FABP6: variants seen among roughly 807,000 people sequenced by gnomAD.
The protein encoded by FABP6 is fatty acid binding protein 6.
Under a neutral mutation model 14.9 loss-of-function variants are expected in FABP6, and 13 were observed. That is an observed-to-expected ratio of 0.87 (90% CI 0.57 to 1.39). The LOEUF (loss-of-function observed/expected upper bound fraction) is 1.39, where lower values mean the gene tolerates loss of function less well. Ranked by LOEUF, FABP6 falls within the 40% of genes most tolerant of loss-of-function variation. The pLI is 0.00. For missense variants in FABP6, 161 were observed against 167.2 expected, an observed-to-expected ratio of 0.96 and a Z score of 0.20; for synonymous variants, 75 against 63.6, an observed-to-expected ratio of 1.18 and a Z score of -0.85.
intron 1 of FABP6, chr5:160,198,407 CTT>C (rs902532230): frequency 4.6e-5 from 7 of 152,486 alleles, no homozygotes; most frequent in African/African-American, 1.7e-4. Flanking sequence ...GCCGCCACCT[CTT>C]TGTTTCTGGA....
At chr5:160,197,643 C>T (rs1469795528) in intron 1 of FABP6, 2 of 152,278 alleles carry the variant, frequency 1.3e-5, no homozygotes, top group African/African-American at 4.8e-5. Context: ...TCTCTGGTCT[C>T]TACCCACTCC....
intron 3 of FABP6, among the ~76,000 whole-genome samples, chr5:160,220,336 G>A (rs1252051775): frequency 1.3e-5 from 2 of 152,134 alleles, no homozygotes; most frequent in African/African-American, 4.8e-5. Flanking sequence ...ATGAGGCCAG[G>A]TGATGGCTCA....
At chr5:160,199,487 C>A (rs1043062632) in intron 2 of FABP6, among the ~76,000 whole-genome samples, 4 of 152,238 alleles carry the variant, frequency 2.6e-5, no homozygotes, top group Non-Finnish European at 5.9e-5. Flanking sequence ...CTGCGCCACC[C>A]CGGGCCGTGC....
chr5:160,203,532 C>A (rs559620464), intron 2 of FABP6, among the ~76,000 whole-genome samples: 2 of 151,626 alleles, frequency 1.3e-5, no homozygotes, highest in South Asian at 4.2e-4. Context: ...ATGCTCACCT[C>A]ATTTTTTTTT....
chr5:160,223,175 C>A lies in FABP6; in HGVS notation c.136-6371C>A, dbSNP rs573399949. Reference sequence around the variant, plus strand: ...GAACAAATCTGTCAGCACCATTTTTCACTTTGTCTCTGGGCCACATTTTGG... The same window carrying A: ...GAACAAATCTGTCAGCACCATTTTTAACTTTGTCTCTGGGCCACATTTTGG... On this transcript the variant is annotated intron_variant, in intron 3 of 6. Transcript: ENST00000393980. Among the ~76,000 whole-genome samples, 5 of 152,252 alleles carry A rather than the reference C, an allele frequency of 3.3e-5. No individual in the cohort carries two copies. In the East Asian group the frequency reaches 9.6e-4, roughly 29 times the overall value.
chr5:160,213,532 CTCTG>C (rs1759937593), intron 2 of FABP6, among the ~76,000 whole-genome samples: 1 of 152,206 alleles, frequency 6.6e-6, no homozygotes, highest in Non-Finnish European at 1.5e-5. Flanking sequence ...CCTGTCCTGT[CTCTG>C]TCTGTTTTCC....
chr5:160,214,510 C>G (rs1759973617), intron 3 of FABP6, among the ~76,000 whole-genome samples: 1 of 150,994 alleles, frequency 6.6e-6, no homozygotes, highest in Non-Finnish European at 1.5e-5. Context: ...GACGGGGTCT[C>G]CCTGTGTTGC....
chr5:160,226,533 C>CAA (rs71956446), upstream of FABP6, among the ~76,000 whole-genome samples: 8,873 of 136,750 alleles, frequency 0.065, 466 homozygotes, highest in East Asian at 0.34. Context: ...GAGACTGTCT[C>CAA]AAAAAAAAAA....
chr5:160,222,204 T>C (rs1317964198), intron 3 of FABP6, among the ~76,000 whole-genome samples: 1 of 151,912 alleles, frequency 6.6e-6, no homozygotes, highest in Non-Finnish European at 1.5e-5. Context: ...GTGATCCTCT[T>C]GCCTCTGCCT....
rs34714032 is a variant in FABP6, at chr5:160,197,921, C to CGTGTGT, written c.-58-1101_-58-1096dup. On this transcript the variant is annotated intron_variant, in intron 1 of 6. Coordinates refer to the FABP6 transcript ENST00000393980. ...AGGCTTCCTCCTGATAAGGCTGCTT[C>CGTGTGT]GTGTGTGTGTGTGTGTGTGTGTGTG... is the stretch of plus-strand genomic sequence containing the variant. The CGTGTGT allele has an allele frequency of 7.9e-3, 1,004 of 127,120 alleles. 18 individuals carry two copies. Among genetic ancestry groups the CGTGTGT allele is most frequent in the Middle Eastern group, 0.023 (6 of 264 alleles). The allele number at this position is 127,120 out of a possible 1,614,324, so 7.9% of individuals were successfully genotyped here.
chr5:160,190,501 G>A (rs1451751673), intron 1 of FABP6, among the ~76,000 whole-genome samples: 2 of 152,132 alleles, frequency 1.3e-5, no homozygotes, highest in Admixed American at 1.3e-4. Context: ...CAAAGTGCTG[G>A]GATTACAGGT....
chr5:160,225,399 CTTT>C (rs1284538826), upstream of FABP6, among the ~76,000 whole-genome samples: 10 of 123,456 alleles, frequency 8.1e-5, no homozygotes, highest in East Asian at 7.6e-4. Flanking sequence ...CCAGCCCCAC[CTTT>C]TTTTTTTTTT....
At chr5:160,216,257 A>G (rs1423354130) in intron 3 of FABP6, among the ~76,000 whole-genome samples, 2 of 150,376 alleles carry the variant, frequency 1.3e-5, no homozygotes, top group Admixed American at 1.3e-4. Flanking sequence ...TATGACTTAC[A>G]GTTCTCATTG....
At chr5:160,196,974 TACCGTGAC>T (rs1759523112) in intron 1 of FABP6, 1 of 152,240 alleles carries the variant, frequency 6.6e-6, no homozygotes, top group Non-Finnish European at 1.5e-5. Context: ...CTTATTAGGC[TACCGTGAC>T]ACCTTGTCTG....
intron 1 of FABP6, among the ~76,000 whole-genome samples, chr5:160,194,757 A>AT: frequency 6.6e-6 from 1 of 152,066 alleles, no homozygotes; most frequent in South Asian, 2.1e-4. Context: ...CCTTGATGGC[A>AT]GTCCCTTTAG....
chr5:160,218,520 G>T (rs1198524982), intron 3 of FABP6, among the ~76,000 whole-genome samples: 1 of 136,186 alleles, frequency 7.3e-6, no homozygotes, highest in East Asian at 2.1e-4. Flanking sequence ...GAGTGCAAAG[G>T]CGCGATCTCA....
intron 1 of FABP6, among the ~76,000 whole-genome samples, chr5:160,230,785 GT>G (rs1245789336): frequency 3.3e-5 from 5 of 152,216 alleles, no homozygotes; most frequent in Non-Finnish European, 5.9e-5. Flanking sequence ...GTGATGAGTG[GT>G]GTCACCACAT....
intron 3 of FABP6, among the ~76,000 whole-genome samples, chr5:160,223,372 TCCCTCCCTCCCTCTC>T (rs1561752128): frequency 1.7e-4 from 9 of 53,950 alleles, no homozygotes; most frequent in South Asian, 1.5e-3. Context: ...TTTCCCTCCC[TCCCTCCCTCCCTCTC>T]TCCTTCCTTC....
chr5:160,218,460 A>ATTTT (rs1580913982), intron 3 of FABP6, among the ~76,000 whole-genome samples: 3 of 39,356 alleles, frequency 7.6e-5, no homozygotes, highest in Non-Finnish European at 1.1e-4. Context: ...TTAGTCTTTG[A>ATTTT]CTTTTTTTTT....
Sources: allele counts gnomAD v4.1 joint callset (sites outside exome capture counted in the v4.1 genomes callset), GRCh38; gene constraint gnomAD v4.1.1; transcripts MANE v1.5; gene names NCBI Gene and HGNC (gene_info 2026-07-23, HGNC 2026-07-21).